The following KCNN2 variants were observed in gnomAD, a reference collection of about 807,000 sequenced individuals.
KCNN2 encodes the protein small conductance calcium-activated potassium channel protein 2.
KCNN2 carries 24 observed loss-of-function variants against 55.5 expected under a neutral mutation model. That is an observed-to-expected ratio of 0.43 (90% CI 0.31 to 0.61). The LOEUF (loss-of-function observed/expected upper bound fraction) is 0.61, where lower values mean the gene tolerates loss of function less well. Among genes scored for constraint, KCNN2 ranks in the 20% least tolerant of loss-of-function variants. The pLI is 0.08. For missense variants in KCNN2, 754 were observed against 853.6 expected (o/e 0.88, Z 1.45); for synonymous variants, 431 against 336.1 (o/e 1.28, Z -3.09).
At chr5:114,446,451 C>G (rs1760410981) in intron 3 of KCNN2, among the ~76,000 whole-genome samples, 1 of 152,112 alleles carries the variant, frequency 6.6e-6, no homozygotes, top group Non-Finnish European at 1.5e-5. Flanking sequence ...CATCATACGG[C>G]TATTTAATTT....
intron 1 of KCNN2, among the ~76,000 whole-genome samples, chr5:114,192,766 G>T (rs146770558): frequency 6.6e-5 from 10 of 152,188 alleles, no homozygotes; most frequent in African/African-American, 2.4e-4. Context: ...TCTTCCCATA[G>T]TAGATATGTA....
chr5:114,122,159 G>A (rs946571101), intron 1 of KCNN2, among the ~76,000 whole-genome samples: 1 of 152,180 alleles, frequency 6.6e-6, no homozygotes, highest in Admixed American at 6.5e-5. Flanking sequence ...GAGTAATAAT[G>A]TAATCAGCAT....
chr5:114,175,287 A>T (rs1753112783), intron 1 of KCNN2, among the ~76,000 whole-genome samples: 1 of 152,198 alleles, frequency 6.6e-6, no homozygotes, highest in Non-Finnish European at 1.5e-5. Flanking sequence ...CTTACTAAGG[A>T]TTGGCATCTG....
rs1747962752 is a variant in KCNN2 at position 114,493,478 on chromosome 5, C to G, written c.2088+6C>G. The stretch of plus-strand genomic sequence containing the variant: ...CTTTGGTGGACTTGGCAAAGGTAAG[C>G]CTGAGGTGCTTAGCCCTCCTAGTTG... On this transcript the variant is annotated splice_donor_region_variant and intron_variant, in intron 7 of 7. Coordinates refer to ENST00000673685, the MANE Select transcript of KCNN2 (RefSeq NM_021614.4). 1 of 1,602,786 alleles carries G rather than the reference C, an allele frequency of 6.2e-7. No homozygotes were observed. The highest frequency in any genetic ancestry group is 1.1e-5 in the South Asian group (1 of 90,862).
chr5:114,113,673 T>A (rs770045751), intron 1 of KCNN2, among the ~76,000 whole-genome samples: 5 of 152,062 alleles, frequency 3.3e-5, no homozygotes, highest in East Asian at 1.9e-4. Context: ...AAAGGAAAGA[T>A]TTTTTTAGCT....
chr5:114,352,452 C>T (rs1757223890), intron 2 of KCNN2, among the ~76,000 whole-genome samples: 1 of 97,646 alleles, frequency 1.0e-5, no homozygotes, highest in Non-Finnish European at 2.3e-5. Flanking sequence ...ATGATTCCTT[C>T]TGCCTTGTTC....
intron 1 of KCNN2, among the ~76,000 whole-genome samples, chr5:114,196,337 T>G (rs1184554448): frequency 6.6e-6 from 1 of 152,052 alleles, no homozygotes; most frequent in Non-Finnish European, 1.5e-5. Flanking sequence ...TTTTATTTCT[T>G]GTGATATCTT....
At chr5:114,122,289 A>C (rs1039160552) in intron 1 of KCNN2, among the ~76,000 whole-genome samples, 26 of 152,152 alleles carry the variant, frequency 1.7e-4, no homozygotes, top group African/African-American at 5.8e-4. Flanking sequence ...TTTCTCCCAG[A>C]AGGCAGTATG....
At chr5:114,304,173 C>A (rs1756221665) in intron 2 of KCNN2, among the ~76,000 whole-genome samples, 1 of 152,160 alleles carries the variant, frequency 6.6e-6, no homozygotes, top group African/African-American at 2.4e-5. Flanking sequence ...CAGTAGCAAC[C>A]TATTTTCAGC....
At chr5:114,256,412 A>T (rs879842071) in intron 2 of KCNN2, among the ~76,000 whole-genome samples, 6 of 152,136 alleles carry the variant, frequency 3.9e-5, no homozygotes, top group Non-Finnish European at 7.4e-5. Flanking sequence ...GAATTGCTGG[A>T]TTGAATGGTA....
chr5:114,455,530 C>T (rs1322965729), intron 3 of KCNN2, among the ~76,000 whole-genome samples: 4 of 152,208 alleles, frequency 2.6e-5, no homozygotes, highest in Non-Finnish European at 5.9e-5. Flanking sequence ...AACTAATGAC[C>T]TACAATGGCT....
intron 2 of KCNN2, among the ~76,000 whole-genome samples, chr5:114,312,963 C>G (rs1756434967): frequency 6.6e-6 from 1 of 152,186 alleles, no homozygotes. Context: ...ACGTTTTTCT[C>G]ATTTGCTGTA....
chr5:114,390,266 A>G (rs936782799), intron 2 of KCNN2, among the ~76,000 whole-genome samples: 7 of 152,174 alleles, frequency 4.6e-5, no homozygotes, highest in Non-Finnish European at 1.0e-4. Context: ...TATTTTATTT[A>G]TGATTGGTTC....
At chr5:114,107,690 G>A (rs550055278) in intron 1 of KCNN2, among the ~76,000 whole-genome samples, 106 of 151,904 alleles carry the variant, frequency 7.0e-4, no homozygotes, top group African/African-American at 1.1e-3. Flanking sequence ...ACCACCTCAC[G>A]CAGGCATCAT....
At chr5:114,246,635 A>G (rs1561539201) in intron 2 of KCNN2, among the ~76,000 whole-genome samples, 2 of 152,196 alleles carry the variant, frequency 1.3e-5, no homozygotes, top group South Asian at 2.1e-4. Flanking sequence ...AAGGCCAACT[A>G]AACAGGTATT....
At chr5:114,476,692 A>C (rs1213650535) in intron 5 of KCNN2, among the ~76,000 whole-genome samples, 1 of 152,132 alleles carries the variant, frequency 6.6e-6, no homozygotes, top group African/African-American at 2.4e-5. Context: ...AAGTGCTGGG[A>C]TTACAGGCGT....
intron 7 of KCNN2, among the ~76,000 whole-genome samples, chr5:114,494,259 G>GT (rs5870615): frequency 0.9 from 134,366 of 149,822 alleles, 61,884 homozygotes; most frequent in East Asian, 1. Flanking sequence ...CTTACAAACT[G>GT]TTTTTTTTTG....
At chr5:114,465,921 G>GGAGT (rs1337966866) in intron 4 of KCNN2, among the ~76,000 whole-genome samples, 1 of 152,180 alleles carries the variant, frequency 6.6e-6, no homozygotes, top group African/African-American at 2.4e-5. Context: ...AGATTCCCAT[G>GGAGT]GAGTCAGGCT....
intron 2 of KCNN2, among the ~76,000 whole-genome samples, chr5:114,275,924 G>A (rs1044775614): frequency 1.1e-4 from 16 of 151,978 alleles, no homozygotes; most frequent in African/African-American, 3.9e-4. Context: ...TGAGGTTAGG[G>A]TGTCGATTTT....
Sources: gnomAD v4.1 joint callset for allele counts (sites outside exome capture counted in the v4.1 genomes callset) on GRCh38, gnomAD v4.1.1 for gene constraint, MANE v1.5 for transcripts, NCBI Gene and HGNC (gene_info 2026-07-23, HGNC 2026-07-21) for gene names.